CDC42BPA: variants seen among roughly 807,000 people sequenced by gnomAD.
CDC42BPA encodes CDC42 binding protein kinase alpha.
Under a neutral mutation model 223.5 loss-of-function variants are expected in CDC42BPA, and 80 were observed. That is an observed-to-expected ratio of 0.36 (90% CI 0.30 to 0.43). The LOEUF (loss-of-function observed/expected upper bound fraction) is 0.43. Ranked by LOEUF, CDC42BPA falls within the 20% of genes least tolerant of loss-of-function variation. CDC42BPA has a pLI of 1.00. For synonymous variants in CDC42BPA, 694 were observed against 718.6 expected (o/e 0.97, Z 0.55); for missense variants, 1,743 against 2,099.9 (o/e 0.83, Z 3.32).
intron 8 of CDC42BPA, 131 bp from the exon 9 acceptor site, chr1:227,143,155 G>T: frequency 2.1e-6 from 1 of 467,536 alleles, no homozygotes; most frequent in Non-Finnish European, 3.7e-6. Context: ...ACACTGGTAA[G>T]TTTGGTATAG....
chr1:227,164,668 T>A (rs910166581), intron 5 of CDC42BPA, among the ~76,000 whole-genome samples: 1 of 152,128 alleles, frequency 6.6e-6, no homozygotes, highest in African/African-American at 2.4e-5. Flanking sequence ...CTATCTCTTT[T>A]CAAGTGCGTG....
intron 1 of CDC42BPA, among the ~76,000 whole-genome samples, chr1:227,303,079 A>G (rs1427222856): frequency 1.4e-5 from 2 of 144,114 alleles, no homozygotes; most frequent in African/African-American, 2.6e-5. Flanking sequence ...TTTGTTTGGG[A>G]CTGTACCCTA....
intron 1 of CDC42BPA, among the ~76,000 whole-genome samples, chr1:227,302,233 A>G (rs1691762123): frequency 6.6e-6 from 1 of 152,132 alleles, no homozygotes; most frequent in Admixed American, 6.5e-5. Flanking sequence ...AAGGCAATCA[A>G]CTCATTCCAG....
intron 6 of CDC42BPA, among the ~76,000 whole-genome samples, chr1:227,153,321 C>CA (rs1406088109): frequency 6.6e-6 from 1 of 151,426 alleles, no homozygotes; most frequent in Non-Finnish European, 1.5e-5. Context: ...CAAAAAATGC[C>CA]AAAAAAATCT....
In CDC42BPA at chr1:227,317,378, C is replaced by T; in HGVS notation, c.-196G>A. ...TAACTGAAGCGTCTTCAATTTCACC[C>T]ATATACATATATTTTGAGGGTAAAT... On this transcript the variant is annotated 5_prime_UTR_variant, in exon 1 of 37. The change abolishes an upstream ATG in the 5' untranslated region. Transcript: ENST00000366766. The T allele has an allele frequency of 2.0e-6, 1 of 498,826 alleles. No homozygotes were observed. Among genetic ancestry groups the T allele is most frequent in the South Asian group, 4.7e-5 (1 of 21,496 alleles). 30.9% of individuals were successfully genotyped at this position (498,826 alleles called of 1,614,324 possible).
chr1:227,144,684 G>T (rs1392347835), intron 8 of CDC42BPA, among the ~76,000 whole-genome samples: 2 of 151,252 alleles, frequency 1.3e-5, no homozygotes, highest in East Asian at 1.9e-4. Context: ...AACCTAAAGG[G>T]TTATAGCAGA....
intron 11 of CDC42BPA, among the ~76,000 whole-genome samples, chr1:227,123,262 G>A (rs1034029149): frequency 2.0e-5 from 3 of 152,218 alleles, no homozygotes; most frequent in Admixed American, 2.0e-4. Context: ...AGATTGCATC[G>A]CTGCACTCCA....
chr1:227,252,723 G>A (rs1232803133), intron 2 of CDC42BPA, among the ~76,000 whole-genome samples: 1 of 151,900 alleles, frequency 6.6e-6, no homozygotes, highest in Non-Finnish European at 1.5e-5. Flanking sequence ...GGAATGCAAA[G>A]ATTGTTTAAC....
chr1:227,066,959 T>C (rs1677216289), intron 21 of CDC42BPA, among the ~76,000 whole-genome samples: 1 of 152,070 alleles, frequency 6.6e-6, no homozygotes, highest in Non-Finnish European at 1.5e-5. Context: ...AACCAATAAA[T>C]TGGGAGAATG....
chr1:227,210,610 A>T (rs1433938608), intron 3 of CDC42BPA, among the ~76,000 whole-genome samples: 1 of 152,196 alleles, frequency 6.6e-6, no homozygotes, highest in Non-Finnish European at 1.5e-5. Context: ...AAGCTAACCC[A>T]GTTATTCATC....
At chr1:227,013,876 T>C (rs1336718441) in intron 34 of CDC42BPA, among the ~76,000 whole-genome samples, 1 of 152,122 alleles carries the variant, frequency 6.6e-6, no homozygotes, top group African/African-American at 2.4e-5. Flanking sequence ...ATATTATGTA[T>C]TGAAAAAACT....
At position 227,004,978 on chromosome 1, in the gene CDC42BPA, T is replaced by G; in HGVS notation, c.4975+16A>C. The G allele has an allele frequency of 6.3e-7, 1 of 1,578,454 alleles. No homozygotes were observed. Among genetic ancestry groups the G allele is most frequent in the Non-Finnish European group, 8.7e-7 (1 of 1,147,340 alleles). On this transcript the variant is annotated intron_variant, in intron 35 of 36. Transcript: ENST00000366766. ...ACCCTGTCTCAGAGGCACCTTCCTG[T>G]AGCCCCGGCACTTACTTGCTGACAA... is the stretch of plus-strand genomic sequence containing the variant.
intron 1 of CDC42BPA, among the ~76,000 whole-genome samples, chr1:227,312,156 AT>A (rs1378856474): frequency 6.6e-6 from 1 of 152,000 alleles, no homozygotes; most frequent in Admixed American, 6.6e-5. Flanking sequence ...CTAGTCTTTA[AT>A]TTTTTTTAAA....
chr1:227,264,110 A>G (rs575583063), intron 1 of CDC42BPA, among the ~76,000 whole-genome samples: 2 of 152,288 alleles, frequency 1.3e-5, no homozygotes, highest in East Asian at 3.9e-4. Context: ...CCTTTGTCTT[A>G]TTTTGAATAT....
chr1:227,162,958 TTCCAAAC>T (rs1664244860), intron 5 of CDC42BPA, among the ~76,000 whole-genome samples: 13 of 143,460 alleles, frequency 9.1e-5, no homozygotes, highest in East Asian at 2.0e-4. Flanking sequence ...ACATATATGT[TTCCAAAC>T]GTGTGTATGT....
chr1:227,047,417 T>G (rs1672670136), intron 23 of CDC42BPA, among the ~76,000 whole-genome samples: 1 of 152,194 alleles, frequency 6.6e-6, no homozygotes, highest in Middle Eastern at 3.2e-3. Context: ...ATTTTGTGGT[T>G]TATCCAAGGT....
At chr1:227,253,607 A>AATAAATAAATAAATACATACATAC (rs368046447) in intron 2 of CDC42BPA, among the ~76,000 whole-genome samples, 2 of 116,544 alleles carry the variant, frequency 1.7e-5, no homozygotes, top group East Asian at 2.0e-4. Flanking sequence ...AAAATAAATA[A>AATAAATAAATAAATACATACATAC]ATACATACAT....
Position 226,991,278 on chromosome 1 carries a change from T to C in CDC42BPA, c.*2990A>G, listed in dbSNP as rs978033372. ...TGCTGCCATATACGTTTTTAAAATG[T>C]CCTGCATGAAAACAAAAGAAAACTT... is the stretch of plus-strand genomic sequence containing the variant. On this transcript the variant is annotated 3_prime_UTR_variant, in exon 37 of 37. Coordinates refer to ENST00000366766, the MANE Select transcript of CDC42BPA (RefSeq NM_001394014.1). 2 of 152,486 alleles carry C rather than the reference T, an allele frequency of 1.3e-5. No individual in the cohort carries two copies. Among genetic ancestry groups the C allele is most frequent in the African/African-American group, 4.8e-5 (2 of 41,450 alleles). The allele number at this position is 152,486 out of a possible 1,614,324, so 9.4% of individuals were successfully genotyped here.
intron 1 of CDC42BPA, among the ~76,000 whole-genome samples, chr1:227,259,712 C>T (rs888945948): frequency 7.3e-5 from 11 of 150,854 alleles, no homozygotes; most frequent in Admixed American, 3.9e-4. Flanking sequence ...TAGTAAGTCA[C>T]AGTACTACTA....
Sources: allele counts gnomAD v4.1 joint callset (sites outside exome capture counted in the v4.1 genomes callset), GRCh38; gene constraint gnomAD v4.1.1; transcripts MANE v1.5; gene names NCBI Gene and HGNC (gene_info 2026-07-23, HGNC 2026-07-21).